The following FIGN variants were observed in gnomAD, a reference collection of about 807,000 sequenced individuals.
FIGN encodes fidgetin, microtubule severing factor.
A neutral mutation model predicts 51.3 loss-of-function variants in FIGN; 11 were observed. That is an observed-to-expected ratio of 0.21 (90% CI 0.13 to 0.35). The LOEUF (loss-of-function observed/expected upper bound fraction) is 0.35. Among genes scored for constraint, FIGN ranks in the 10% least tolerant of loss-of-function variants. The probability of loss-of-function intolerance (pLI) is 1.00; values close to 1 mark genes in which losing one functional copy is unlikely to be tolerated. For synonymous variants in FIGN, 407 were observed against 363.2 expected, an observed-to-expected ratio of 1.12 and a Z score of -1.37; for missense variants, 857 against 943.6, an observed-to-expected ratio of 0.91 and a Z score of 1.20.
chr2:163,617,204 A>G (rs1175651676), intron 2 of FIGN: 2 of 985,090 alleles, frequency 2.0e-6, no homozygotes, highest in Non-Finnish European at 2.4e-6. Context: ...AGAAAGGGAA[A>G]AAAGTGAGGA....
intron 2 of FIGN, among the ~76,000 whole-genome samples, chr2:163,657,946 C>T (rs1020602770): frequency 3.9e-5 from 6 of 151,962 alleles, no homozygotes; most frequent in Admixed American, 3.3e-4. Flanking sequence ...CTGGGAGCAA[C>T]GTAACAACAC....
intron 2 of FIGN, among the ~76,000 whole-genome samples, chr2:163,643,401 A>G (rs957799174): frequency 6.6e-6 from 1 of 152,206 alleles, no homozygotes; most frequent in Non-Finnish European, 1.5e-5. Context: ...TTGTAATCCC[A>G]GCATTTTGGG....
At chr2:163,685,644 A>G (rs556117923) in intron 2 of FIGN, among the ~76,000 whole-genome samples, 2 of 152,342 alleles carry the variant, frequency 1.3e-5, no homozygotes, top group African/African-American at 2.4e-5. Flanking sequence ...GACTTCTTCT[A>G]GGTCAATATT....
chr2:163,719,517 T>A (rs1398804705), intron 2 of FIGN, among the ~76,000 whole-genome samples: 14 of 152,254 alleles, frequency 9.2e-5, no homozygotes. Context: ...AGGAACGCTC[T>A]AGTGCTTGTT....
At chr2:163,680,084 T>C (rs560381584) in intron 2 of FIGN, among the ~76,000 whole-genome samples, 4 of 152,320 alleles carry the variant, frequency 2.6e-5, no homozygotes, top group Admixed American at 6.5e-5. Context: ...TAAAGCATGT[T>C]TACTCAAAGG....
chr2:163,652,897 G>A (rs1251131332), intron 2 of FIGN, among the ~76,000 whole-genome samples: 1 of 152,058 alleles, frequency 6.6e-6, no homozygotes, highest in Non-Finnish European at 1.5e-5. Flanking sequence ...GTGCATGCAG[G>A]AAATGACCAA....
intron 2 of FIGN, among the ~76,000 whole-genome samples, chr2:163,640,263 T>C (rs185391008): frequency 1.7e-4 from 26 of 152,304 alleles, no homozygotes; most frequent in African/African-American, 6.3e-4. Context: ...TTTCATAACA[T>C]TAAACTTAAG....
intron 2 of FIGN, among the ~76,000 whole-genome samples, chr2:163,638,248 G>T (rs1683256052): frequency 6.6e-6 from 1 of 151,570 alleles, no homozygotes; most frequent in African/African-American, 2.4e-5. Context: ...ATCTTTAAAA[G>T]ATCAAGACAG....
At chr2:163,735,302 G>C (rs1400022669) in intron 1 of FIGN, among the ~76,000 whole-genome samples, 3 of 151,142 alleles carry the variant, frequency 2.0e-5, no homozygotes, top group Non-Finnish European at 4.4e-5. Flanking sequence ...CCAACAATAC[G>C]CCCACCACGC....
At chr2:163,714,700 C>A (rs1684642157) in intron 2 of FIGN, among the ~76,000 whole-genome samples, 1 of 152,148 alleles carries the variant, frequency 6.6e-6, no homozygotes, top group Admixed American at 6.5e-5. Context: ...CTAGAACTTA[C>A]AAAAAGCAAA....
At chr2:163,730,179 C>A (rs1684903374) in intron 2 of FIGN, among the ~76,000 whole-genome samples, 1 of 152,198 alleles carries the variant, frequency 6.6e-6, no homozygotes, top group Non-Finnish European at 1.5e-5. Context: ...TGAGTATATT[C>A]TTTCATACTC....
intron 2 of FIGN, among the ~76,000 whole-genome samples, chr2:163,639,871 AT>A (rs1354383498): frequency 6.6e-6 from 1 of 152,168 alleles, no homozygotes; most frequent in Non-Finnish European, 1.5e-5. Context: ...ACATTCTAAT[AT>A]TTTAAGTTTC....
intron 2 of FIGN, among the ~76,000 whole-genome samples, chr2:163,695,091 A>G (rs1046150025): frequency 6.6e-6 from 1 of 152,076 alleles, no homozygotes; most frequent in African/African-American, 2.4e-5. Context: ...TTCTGACATT[A>G]ACTGTCAATT....
chr2:163,663,320 G>T (rs759148714), intron 2 of FIGN, among the ~76,000 whole-genome samples: 1 of 150,126 alleles, frequency 6.7e-6, no homozygotes, highest in African/African-American at 2.5e-5. Context: ...TAGATGTCAG[G>T]TTGTTTTTGT....
At chr2:163,620,851 T>TTGTGTGTG (rs71015594) in intron 2 of FIGN, among the ~76,000 whole-genome samples, 16,760 of 147,364 alleles carry the variant, frequency 0.11, 1,121 homozygotes, top group Non-Finnish European at 0.15. Context: ...GTGTAAATAT[T>TTGTGTGTG]TGTGTGTGTG....
intron 2 of FIGN, among the ~76,000 whole-genome samples, chr2:163,692,575 C>A (rs1684255618): frequency 1.3e-5 from 2 of 152,142 alleles, no homozygotes; most frequent in African/African-American, 4.8e-5. Context: ...AGATTTCTTT[C>A]TACTGAAGAT....
intron 2 of FIGN, among the ~76,000 whole-genome samples, chr2:163,641,567 C>T (rs1288301839): frequency 6.6e-6 from 1 of 152,242 alleles, no homozygotes; most frequent in Non-Finnish European, 1.5e-5. Context: ...ACCACTTTGA[C>T]TGCCTTACAC....
intron 2 of FIGN, among the ~76,000 whole-genome samples, chr2:163,661,164 G>A (rs867412900): frequency 6.0e-5 from 9 of 150,332 alleles, no homozygotes; most frequent in Non-Finnish European, 1.0e-4. Flanking sequence ...AATTACAGGC[G>A]TGAGCCACCG....
rs1317129923 is a variant in FIGN, at chr2:163,603,606, A to G, written c.*5946T>C. The stretch of plus-strand genomic sequence containing the variant: ...AAGGAATTGTAAGTGAAAGGATTGG[A>G]TGCCACTTTGTTAATGAAACTTAAA... On this transcript the variant is annotated 3_prime_UTR_variant, in exon 3 of 3. Coordinates refer to ENST00000333129, the MANE Select transcript of FIGN (RefSeq NM_018086.4). The G allele has an allele frequency of 6.6e-6, 1 of 152,112 alleles. No individual in the cohort carries two copies. The highest frequency in any genetic ancestry group is 2.4e-5 in the African/African-American group (1 of 41,450). The allele number at this position is 152,112 out of a possible 1,614,324, so 9.4% of individuals were successfully genotyped here.
Sources: gnomAD v4.1 joint callset for allele counts (sites outside exome capture counted in the v4.1 genomes callset) on GRCh38, gnomAD v4.1.1 for gene constraint, MANE v1.5 for transcripts, NCBI Gene and HGNC (gene_info 2026-07-23, HGNC 2026-07-21) for gene names.